PALM3: variants seen among roughly 807,000 people sequenced by gnomAD.
The protein encoded by PALM3 is paralemmin-3.
PALM3 carries 20 observed loss-of-function variants against 27.9 expected under a neutral mutation model. The observed-to-expected ratio is 0.72, with a 90% CI of 0.50 to 1.04. The LOEUF (loss-of-function observed/expected upper bound fraction) is 1.04. PALM3 is among the 50% of genes least tolerant of loss of function. The pLI is 0.00. For missense variants in PALM3, 814 were observed against 869.4 expected (o/e 0.94, Z 0.80); for synonymous variants, 328 against 352.7 (o/e 0.93, Z 0.79).
intron 1 of PALM3, among the ~76,000 whole-genome samples, chr19:14,059,973 C>T (rs952949030): frequency 1.3e-5 from 2 of 152,058 alleles, no homozygotes; most frequent in African/African-American, 2.4e-5. Context: ...CTTAGGCTCC[C>T]GTGGAAGCTG....
chr19:14,056,856 G>A (rs1976314685), intron 3 of PALM3, 52 bp from the exon 4 acceptor site: 6 of 1,487,720 alleles, frequency 4.0e-6, no homozygotes, highest in Admixed American at 2.4e-5. Flanking sequence ...CCCGGTCCAT[G>A]TAAAGTCCCC....
intron 1 of PALM3, 68 bp from the exon 2 acceptor site, chr19:14,059,231 T>C: frequency 7.3e-7 from 1 of 1,376,342 alleles, no homozygotes; most frequent in Non-Finnish European, 9.6e-7. Context: ...CCAAGATCCC[T>C]GAGCAGTATG....
chr19:14,057,392 G>C lies in PALM3; in HGVS notation c.130C>G (p.Arg44Gly), dbSNP rs1486099588. 3 of 1,542,734 alleles carry C rather than the reference G, an allele frequency of 1.9e-6. No homozygotes were observed. The highest frequency in any genetic ancestry group is 2.4e-5 in the South Asian group (2 of 83,736). The change falls in exon 3 of 7, where the codon CGG (arginine) becomes GGG (glycine). Residue 44 changes from arginine (R) to glycine (G), a missense_variant. Transcript: ENST00000669674. ...CGGAGTTTCTCCTCCTCCACCTCCC[G>C]GCGCGCGGCGCGGATCTCCTCCTGC... is the stretch of plus-strand genomic sequence containing the variant. ...RLQEEIRAAR[R>G]EVEEEKLRVE...
intron 3 of PALM3, 94 bp from the exon 4 acceptor site, chr19:14,056,898 A>G (rs899385987): frequency 1.5e-6 from 2 of 1,304,086 alleles, no homozygotes; most frequent in Non-Finnish European, 2.0e-6. Context: ...CAGGTATCTT[A>G]TCACCACCTC....
Position 14,055,051 on chromosome 19 carries a change from G to A in PALM3, c.621C>T (p.Pro207=). 1 of 1,551,426 alleles carries A rather than the reference G, an allele frequency of 6.4e-7. No individual in the cohort carries two copies. The highest frequency in any genetic ancestry group is 2.0e-5 in the Admixed American group (1 of 50,998). ...TCTGACTTAGCCCCTGCTCTGGAGT[G>A]GGGATGGGGCTGGGGCATGGGCCAT... The part of the protein sequence containing the change: ...EANGPCPSPI[P]TPEQGLSQRA... The change falls in exon 7 of 7, where the codon CCC becomes CCT. Residue 207 remains proline (P), a synonymous_variant. Transcript: ENST00000669674.
At chr19:14,059,414 A>C (rs571956400) in intron 1 of PALM3, among the ~76,000 whole-genome samples, 1 of 152,104 alleles carries the variant, frequency 6.6e-6, no homozygotes, top group African/African-American at 2.4e-5. Context: ...CTCATCTGTA[A>C]GATGGGCAGG....
chr19:14,057,368 G>A lies in PALM3; in HGVS notation c.154C>T (p.Arg52Cys). Reference protein sequence around the residue: ...ARREVEEEKLRVERLKRKSLR... With the variant: ...ARREVEEEKLCVERLKRKSLR... ...CCCCCAACCTTGAGACGCTCCACGC[G>A]GAGTTTCTCCTCCTCCACCTCCCGG... Residue 52 changes from arginine (R) to cysteine (C), a missense_variant, in exon 3 of 7, where the codon CGC becomes TGC. By Grantham distance (180) the Arg-to-Cys change is radical. Coordinates refer to ENST00000669674, the MANE Select transcript of PALM3 (RefSeq NM_001145028.2). 1 of 1,544,430 alleles carries A rather than the reference G, an allele frequency of 6.5e-7. No homozygotes were observed. Among genetic ancestry groups the A allele is most frequent in the Non-Finnish European group, 8.7e-7 (1 of 1,144,750 alleles).
chr19:14,056,426 C>A lies in PALM3; in HGVS notation c.399+3G>T, dbSNP rs1976305622. ...CATCCCACTCCCCTGATTCCCCCCT[C>A]ACCTGTCTGCGCCAGCTGGGCCTGC... On this transcript the variant is annotated splice_donor_region_variant and intron_variant, in intron 5 of 6. Transcript: ENST00000669674. The A allele has an allele frequency of 6.5e-7, 1 of 1,549,496 alleles. No individual in the cohort carries two copies. Among genetic ancestry groups the A allele is most frequent in the East Asian group, 2.4e-5 (1 of 40,914 alleles).
rs966997327 is a variant in PALM3 at position 14,054,376 on chromosome 19, C to T, written c.1296G>A (p.Ala432=). The part of the protein sequence containing the change: ...EEKPGTGRDE[A]EMSPVVERKG... ...TCCTCTCTACCACTGGTGACATCTCCGCTTCATCCCTCCCTGTCCCTGGCT... is the reference window on the plus strand; with the variant it reads ...TCCTCTCTACCACTGGTGACATCTCTGCTTCATCCCTCCCTGTCCCTGGCT... Residue 432 remains alanine (A), a synonymous_variant, in exon 7 of 7, where the codon GCG becomes GCA. Coordinates refer to ENST00000669674, the MANE Select transcript of PALM3 (RefSeq NM_001145028.2). 49 of 1,552,028 alleles carry T rather than the reference C, an allele frequency of 3.2e-5. No homozygotes were observed. Among genetic ancestry groups the T allele is most frequent in the African/African-American group, 9.6e-5 (7 of 72,992 alleles).
chr19:14,056,319 G>A (rs1284731287), intron 5 of PALM3, 110 bp downstream of exon 5: 1 of 1,090,714 alleles, frequency 9.2e-7, no homozygotes, highest in East Asian at 2.6e-5. Context: ...TCTGAATGCA[G>A]ACCTAGTGGC....
chr19:14,055,202 G>T lies in PALM3; in HGVS notation c.470C>A (p.Ala157Asp), dbSNP rs1393932555. ...SVGQTDLNKR[A>D]SLPAGLVGTP... The stretch of plus-strand genomic sequence containing the variant: ...GCCCACTAGTCCAGCCGGCAGGGAG[G>T]CTCTCTTGTTCAGATCAGTCTGGCC... Residue 157 changes from alanine to aspartate, a missense_variant, in exon 7 of 7, where the codon GCC becomes GAC. Transcript: ENST00000669674. 3.1e-5 allele frequency: 48 copies of T among 1,536,604 alleles called. No individual in the cohort carries two copies. The Admixed American group carries it at 5.5e-4, about 17-fold the overall frequency.
intron 1 of PALM3, among the ~76,000 whole-genome samples, chr19:14,061,664 C>T (rs1285876555): frequency 6.6e-6 from 1 of 152,132 alleles, no homozygotes; most frequent in Non-Finnish European, 1.5e-5. Context: ...CAGCAGTAGC[C>T]CCACCCCCTG....
At chr19:14,056,845 C>T (rs1976314278) in intron 3 of PALM3, 41 bp from the exon 4 acceptor site, 1 of 1,501,680 alleles carries the variant, frequency 6.7e-7, no homozygotes, top group African/African-American at 1.4e-5. Context: ...ATACAGACTA[C>T]CCCGGTCCAT....
chr19:14,059,130 C>A lies in PALM3; in HGVS notation c.75G>T (p.Arg25=), dbSNP rs1305608091. The stretch of plus-strand genomic sequence containing the variant: ...CGTCACTTACAGCGATGACTTCTAG[C>A]CGCTGCCGGTAGAGGGAGCTCTCCG... ...PMAESSLYRQ[R]LEVIAEKRRL... is the part of the protein sequence containing the mutation. The change falls in exon 2 of 7, where the codon CGG becomes CGT. Residue 25 remains arginine (R), a synonymous_variant. Transcript: ENST00000669674. The A allele has an allele frequency of 7.0e-7, 1 of 1,437,406 alleles. No individual in the cohort carries two copies. Among genetic ancestry groups the A allele is most frequent in the Non-Finnish European group, 9.1e-7 (1 of 1,096,128 alleles). 89.0% of individuals were successfully genotyped at this position (1,437,406 alleles called of 1,614,324 possible). A position where few individuals can be genotyped will look rare whatever the true frequency, so the allele number is the denominator to read the frequency against.
chr19:14,054,709 G>A lies in PALM3; in HGVS notation c.963C>T (p.Leu321=). 3 of 1,551,574 alleles carry A rather than the reference G, an allele frequency of 1.9e-6. No individual in the cohort carries two copies. The highest frequency in any genetic ancestry group is 2.6e-6 in the Non-Finnish European group (3 of 1,146,994). The change falls in exon 7 of 7, where the codon CTC becomes CTT. Residue 321 remains leucine (L), a synonymous_variant. Coordinates refer to ENST00000669674, the MANE Select transcript of PALM3 (RefSeq NM_001145028.2). ...AAGCTGCTGCCTCTAATCTCTCCTGGAGCCTAGGCGAGCTAGTCTGCACGA... is the reference window on the plus strand; with the variant it reads ...AAGCTGCTGCCTCTAATCTCTCCTGAAGCCTAGGCGAGCTAGTCTGCACGA... ...PEVVQTSSPR[L]QERLEAAASI...
Position 14,059,253 on chromosome 19 carries a change from G to A in PALM3, c.42-90C>T, listed in dbSNP as rs994729116. On this transcript the variant is annotated intron_variant, in intron 1 of 6. Coordinates refer to ENST00000669674, the MANE Select transcript of PALM3 (RefSeq NM_001145028.2). The stretch of plus-strand genomic sequence containing the variant: ...CCCTGAGCAGTATGGAAATTGCCCC[G>A]AGCCCAGCACTTTGCCTCTGTTTCC... The A allele has an allele frequency of 1.1e-5, 14 of 1,249,330 alleles. No homozygotes were observed. In the East Asian group the frequency reaches 3.8e-4, roughly 34 times the overall value. 77.4% of individuals were successfully genotyped at this position (1,249,330 alleles called of 1,614,324 possible).
intron 1 of PALM3, among the ~76,000 whole-genome samples, chr19:14,061,141 T>C (rs1327768122): frequency 6.6e-6 from 1 of 152,176 alleles, no homozygotes; most frequent in Admixed American, 6.6e-5. Context: ...AGGGCTGAAG[T>C]CCCGTGGTCT....
chr19:14,061,944 G>A lies in PALM3; in HGVS notation c.37C>T (p.Pro13Ser), dbSNP rs1163669258. 3 of 985,148 alleles carry A rather than the reference G, an allele frequency of 3.0e-6. No homozygotes were observed. Among genetic ancestry groups the A allele is most frequent in the Non-Finnish European group, 3.6e-6 (3 of 829,842 alleles). 61.0% of individuals were successfully genotyped at this position (985,148 alleles called of 1,614,324 possible). A position where few individuals can be genotyped will look rare whatever the true frequency, so the allele number is the denominator to read the frequency against. ...CCTGACCCCCCAGACACTTACATGG[G>A]TGTGGCCAGAGACCACACCTGGCTC... is the stretch of plus-strand genomic sequence containing the variant. Reference protein sequence around the residue: ...LQSQVWSLATPMPMAESSLYR... With the variant: ...LQSQVWSLATSMPMAESSLYR... The change falls in exon 1 of 7, where the codon CCC becomes TCC. Residue 13 changes from proline to serine, a missense_variant. Physicochemically the swap from Pro to Ser is moderately conservative, Grantham distance 74 (BLOSUM62 -1). Transcript: ENST00000669674.
chr19:14,060,368 G>A (rs976676732), intron 1 of PALM3, among the ~76,000 whole-genome samples: 6 of 151,912 alleles, frequency 3.9e-5, no homozygotes, highest in Non-Finnish European at 8.8e-5. Flanking sequence ...GGTTCCCACA[G>A]CCACCTCTGC....
Sources: gnomAD v4.1 joint callset for allele counts (sites outside exome capture counted in the v4.1 genomes callset) on GRCh38, gnomAD v4.1.1 for gene constraint, MANE v1.5 for transcripts, NCBI Gene and HGNC (gene_info 2026-07-23, HGNC 2026-07-21) for gene names.